KCNK5: variants seen among roughly 807,000 people sequenced by gnomAD.
The protein encoded by KCNK5 is potassium channel subfamily K member 5.
Under a neutral mutation model 32.9 loss-of-function variants are expected in KCNK5, and 18 were observed. That is an observed-to-expected ratio of 0.55 (90% CI 0.38 to 0.81). KCNK5 has a LOEUF of 0.81. Among genes scored for constraint, KCNK5 ranks in the 30% least tolerant of loss-of-function variants. KCNK5 has a pLI of 0.00. For synonymous variants in KCNK5, 276 were observed against 275.3 expected (o/e 1.00, Z -0.03); for missense variants, 507 against 651.0 (o/e 0.78, Z 2.41).
chr6:39,227,269 C>T (rs187215338), intron 1 of KCNK5, among the ~76,000 whole-genome samples: 28 of 152,238 alleles, frequency 1.8e-4, no homozygotes, highest in African/African-American at 6.5e-4. Flanking sequence ...CTTTATCATC[C>T]TTGCCTGCCC....
chr6:39,229,153 C>G lies in KCNK5; in HGVS notation c.-42G>C. On this transcript the variant is annotated 5_prime_UTR_variant, in exon 1 of 5. Coordinates refer to ENST00000359534, the MANE Select transcript of KCNK5 (RefSeq NM_003740.4). ...CCTCCTAGAGAAAGCCTCTCCTAGC[C>G]CCAGCTGCTACCAGTCCGCCCGCCC... 6.2e-7 allele frequency: 1 copy of G among 1,601,214 alleles called. No individual in the cohort carries two copies. Among genetic ancestry groups the G allele is most frequent in the Non-Finnish European group, 8.5e-7 (1 of 1,172,698 alleles).
At chr6:39,205,367 G>T (rs1401143913) in intron 1 of KCNK5, among the ~76,000 whole-genome samples, 1 of 152,160 alleles carries the variant, frequency 6.6e-6, no homozygotes, top group Non-Finnish European at 1.5e-5. Context: ...ACCCTCTGAG[G>T]CCATGCTCTC....
chr6:39,229,351 G>T lies in KCNK5; in HGVS notation c.-240C>A. ...CGGCCCGGGGTGGGCGAACACCAGCGGGGCTGAAAGGGCGCCCTGGACCGC... is the reference window on the plus strand; with the variant it reads ...CGGCCCGGGGTGGGCGAACACCAGCTGGGCTGAAAGGGCGCCCTGGACCGC... On this transcript the variant is annotated 5_prime_UTR_variant, in exon 1 of 5. Coordinates refer to ENST00000359534, the MANE Select transcript of KCNK5 (RefSeq NM_003740.4). The T allele has an allele frequency of 1.8e-6, 1 of 563,094 alleles. No individual in the cohort carries two copies. The highest frequency in any genetic ancestry group is 3.2e-6 in the Non-Finnish European group (1 of 314,610). The allele number at this position is 563,094 out of a possible 1,614,324, so 34.9% of individuals were successfully genotyped here. A position where few individuals can be genotyped will look rare whatever the true frequency, so the allele number is the denominator to read the frequency against.
chr6:39,211,378 A>G (rs1388086928), intron 1 of KCNK5, among the ~76,000 whole-genome samples: 1 of 152,254 alleles, frequency 6.6e-6, no homozygotes, highest in Non-Finnish European at 1.5e-5. Flanking sequence ...CACGGCTTGC[A>G]CAAACACATG....
intron 1 of KCNK5, among the ~76,000 whole-genome samples, chr6:39,220,954 C>T (rs895694904): frequency 2.0e-5 from 3 of 152,174 alleles, no homozygotes; most frequent in African/African-American, 7.2e-5. Flanking sequence ...GAACTCTTAG[C>T]CCCATGCACC....
At chr6:39,200,858 T>C (rs964457526) in intron 1 of KCNK5, among the ~76,000 whole-genome samples, 2 of 152,200 alleles carry the variant, frequency 1.3e-5, no homozygotes, top group African/African-American at 4.8e-5. Flanking sequence ...TTGGCAGTGG[T>C]GGGGCATCCC....
chr6:39,205,648 G>A (rs753226253), intron 1 of KCNK5, among the ~76,000 whole-genome samples: 3 of 152,122 alleles, frequency 2.0e-5, no homozygotes, highest in Admixed American at 6.5e-5. Context: ...TGCCCTGAGC[G>A]ATGCCAAGGG....
chr6:39,221,291 T>C (rs1771543855), intron 1 of KCNK5, among the ~76,000 whole-genome samples: 1 of 152,274 alleles, frequency 6.6e-6, no homozygotes, highest in Admixed American at 6.5e-5. Flanking sequence ...AAGTAAGTGC[T>C]TGTAACTATT....
In KCNK5 at chr6:39,195,879, T is replaced by C; in HGVS notation, c.295A>G (p.Ile99Val). Residue 99 changes from isoleucine to valine, a missense_variant, in exon 2 of 5, where the codon ATT (isoleucine) becomes GTT (valine). Ile to Val is a conservative substitution (Grantham distance 29). Transcript: ENST00000359534. ...MIFAATVITT[I>V]GYGNVAPKTP... ...CTACAGGTCCCAGAAGACTTACCAA[T>C]GGTGGTAATGACGGTCGCTGCAAAA... 6.2e-7 allele frequency: 1 copy of C among 1,611,594 alleles called. No homozygotes were observed. The highest frequency in any genetic ancestry group is 1.1e-5 in the South Asian group (1 of 90,952).
chr6:39,224,735 C>T (rs1472899788), intron 1 of KCNK5, among the ~76,000 whole-genome samples: 1 of 152,100 alleles, frequency 6.6e-6, no homozygotes, highest in Non-Finnish European at 1.5e-5. Context: ...AGACAGAGGG[C>T]AGGACCTAGG....
intron 1 of KCNK5, among the ~76,000 whole-genome samples, chr6:39,206,614 C>T (rs1054229286): frequency 3.9e-5 from 6 of 152,212 alleles, no homozygotes; most frequent in South Asian, 2.1e-4. Flanking sequence ...CAGCTCTGCA[C>T]TGGCACACAA....
chr6:39,215,694 C>T (rs10456100), intron 1 of KCNK5, among the ~76,000 whole-genome samples: 31,430 of 152,210 alleles, frequency 0.21, 3,901 homozygotes, highest in South Asian at 0.31. Context: ...GAGGTTAACC[C>T]TAGGGAAACC....
chr6:39,190,707 A>G lies in KCNK5; in HGVS notation c.*183T>C. 4 of 540,272 alleles carry G rather than the reference A, an allele frequency of 7.4e-6. No individual in the cohort carries two copies. The highest frequency in any genetic ancestry group is 1.2e-5 in the Non-Finnish European group (4 of 323,970). 33.5% of individuals were successfully genotyped at this position (540,272 alleles called of 1,614,324 possible). On this transcript the variant is annotated 3_prime_UTR_variant, in exon 5 of 5. Transcript: ENST00000359534. ...CCAGGGTATGGTTCAGCTGGAGAAC[A>G]GAGGCCCTGTCCCGGGCATACATCT... is the stretch of plus-strand genomic sequence containing the variant.
rs192827021 is a variant in KCNK5, at chr6:39,214,860, C to T, written c.186+14066G>A. The stretch of plus-strand genomic sequence containing the variant: ...AGGCCCTCACAATATGCCCCAACCC[C>T]ACTCAATTCATAATATGCATTGCAT... On this transcript the variant is annotated intron_variant, in intron 1 of 4. Transcript: ENST00000359534. Among the ~76,000 whole-genome samples, 14 of 152,324 alleles carry T rather than the reference C, an allele frequency of 9.2e-5. No individual in the cohort carries two copies. The East Asian group carries it at 2.5e-3, about 27-fold the overall frequency.
intron 1 of KCNK5, among the ~76,000 whole-genome samples, chr6:39,209,871 C>T (rs779797840): frequency 3.9e-5 from 6 of 152,210 alleles, no homozygotes; most frequent in Non-Finnish European, 5.9e-5. Context: ...GCGCTTTCTT[C>T]ACCTGTAAAA....
chr6:39,195,895 C>A lies in KCNK5; in HGVS notation c.279G>T (p.Ala93=). The change falls in exon 2 of 5, where the codon GCG becomes GCT. Residue 93 remains alanine (A), a synonymous_variant. Transcript: ENST00000359534. ...ACTTACCAATGGTGGTAATGACGGTCGCTGCAAAAATCATTGCATTGGGCC... is the reference window on the plus strand; with the variant it reads ...ACTTACCAATGGTGGTAATGACGGTAGCTGCAAAAATCATTGCATTGGGCC... ...WNWPNAMIFA[A]TVITTIGYGN... is the part of the protein sequence containing the mutation. The A allele has an allele frequency of 1.2e-6, 2 of 1,613,618 alleles. No individual in the cohort carries two copies. Among genetic ancestry groups the A allele is most frequent in the African/African-American group, 1.3e-5 (1 of 75,024 alleles).
intron 1 of KCNK5, among the ~76,000 whole-genome samples, chr6:39,215,310 C>T (rs1771412476): frequency 1.3e-5 from 2 of 152,204 alleles, no homozygotes; most frequent in African/African-American, 4.8e-5. Flanking sequence ...CGAGAGGCAG[C>T]CCTTCCACTC....
rs1459694640 is a variant in KCNK5 at position 39,223,411 on chromosome 6, C to T, written c.186+5515G>A. On this transcript the variant is annotated intron_variant, in intron 1 of 4. Coordinates refer to ENST00000359534, the MANE Select transcript of KCNK5 (RefSeq NM_003740.4). ...GGAAGAACTGAACAGGCAAGGGTTC[C>T]TCTGCGTTATTCCAGAGGTCCCTGG... 2.0e-5 allele frequency among the ~76,000 whole-genome samples: 3 copies of T among 152,330 alleles called. No individual in the cohort carries two copies. In the East Asian group the frequency reaches 5.8e-4, roughly 29 times the overall value.
At chr6:39,205,212 GTGA>G (rs1196988492) in intron 1 of KCNK5, among the ~76,000 whole-genome samples, 2 of 152,196 alleles carry the variant, frequency 1.3e-5, no homozygotes, top group Non-Finnish European at 2.9e-5. Context: ...GAGCTGATCA[GTGA>G]CTGACACTGG....
Sources: gnomAD v4.1 joint callset for allele counts (sites outside exome capture counted in the v4.1 genomes callset) on GRCh38, gnomAD v4.1.1 for gene constraint, MANE v1.5 for transcripts, NCBI Gene and HGNC (gene_info 2026-07-23, HGNC 2026-07-21) for gene names.